The following CASTOR2 variants were observed in gnomAD, a reference collection of about 807,000 sequenced individuals.
The protein encoded by CASTOR2 is GATS protein like 2.
A neutral mutation model predicts 31.2 loss-of-function variants in CASTOR2; 8 were observed. That is an observed-to-expected ratio of 0.26 (90% CI 0.15 to 0.46). CASTOR2 has a LOEUF of 0.46. CASTOR2 is among the 20% of genes least tolerant of loss of function. The pLI is 0.99. For missense variants in CASTOR2, 216 were observed against 382.1 expected, an observed-to-expected ratio of 0.57 and a Z score of 3.62; for synonymous variants, 162 against 158.7, an observed-to-expected ratio of 1.02 and a Z score of -0.16.
chr7:74,994,101 C>G (rs1289822173), intron 1 of CASTOR2, among the ~76,000 whole-genome samples: 2 of 152,234 alleles, frequency 1.3e-5, no homozygotes, highest in African/African-American at 4.8e-5. Flanking sequence ...GGGCCGTCCA[C>G]AACAGGCAGC....
chr7:75,020,262 A>AT (rs1804962903), intron 6 of CASTOR2, 113 bp downstream of exon 6: 1 of 1,057,836 alleles, frequency 9.5e-7, no homozygotes, highest in Admixed American at 2.2e-5. Flanking sequence ...TTTTTTTTTG[A>AT]TACGGGGTCT....
At chr7:75,019,385 G>A (rs1241913687) in intron 5 of CASTOR2, among the ~76,000 whole-genome samples, 64 of 152,052 alleles carry the variant, frequency 4.2e-4, no homozygotes, top group African/African-American at 1.3e-3. Context: ...TAGTCTGAGT[G>A]GGGAGACACA....
At chr7:75,002,680 C>T (rs1322346797) in intron 1 of CASTOR2, among the ~76,000 whole-genome samples, 2 of 152,020 alleles carry the variant, frequency 1.3e-5, no homozygotes, top group Non-Finnish European at 1.5e-5. Flanking sequence ...GAGGCAGGGG[C>T]GTTGAGGCCA....
rs937008081 is a variant in CASTOR2, at chr7:75,027,687, C to T, written c.*2988C>T. The T allele has an allele frequency of 1.1e-5, 4 of 361,378 alleles. No individual in the cohort carries two copies. Among genetic ancestry groups the T allele is most frequent in the Non-Finnish European group, 2.1e-5 (4 of 191,854 alleles). The allele number at this position is 361,378 out of a possible 1,614,324, so 22.4% of individuals were successfully genotyped here. On this transcript the variant is annotated 3_prime_UTR_variant, in exon 9 of 9. Transcript: ENST00000616305. The stretch of plus-strand genomic sequence containing the variant: ...CAGGGGTGGTCCCTGTTCAAGCCCG[C>T]TCCGTGGGAGCTGCCCCCTGGGGAC...
intron 6 of CASTOR2, among the ~76,000 whole-genome samples, chr7:75,020,916 C>T (rs1247999947): frequency 6.6e-6 from 1 of 152,136 alleles, no homozygotes; most frequent in Admixed American, 6.5e-5. Context: ...CATGTCTCAG[C>T]CTCCTGAATA....
intron 1 of CASTOR2, among the ~76,000 whole-genome samples, chr7:74,975,596 T>A (rs1184143987): frequency 8.5e-6 from 1 of 118,194 alleles, no homozygotes; most frequent in Non-Finnish European, 1.8e-5. Flanking sequence ...GGCGCCTGTA[T>A]TCCCAGCTAC....
At chr7:74,973,408 T>G in intron 1 of CASTOR2, among the ~76,000 whole-genome samples, 2 of 104,092 alleles carry the variant, frequency 1.9e-5, no homozygotes, top group Admixed American at 1.0e-4. Context: ...TGGCATGATC[T>G]CAGCTCACTG....
Position 75,024,913 on chromosome 7 carries a change from C to T in CASTOR2, c.*214C>T. On this transcript the variant is annotated 3_prime_UTR_variant, in exon 9 of 9. Coordinates refer to ENST00000616305, the MANE Select transcript of CASTOR2 (RefSeq NM_001145064.3). ...CCTGCCTTCCCGGAGCCCCCCGACC[C>T]TCCAGAGAACGACCTTTCTCTTCCC... 8.5e-7 allele frequency: 1 copy of T among 1,173,710 alleles called. No individual in the cohort carries two copies. The highest frequency in any genetic ancestry group is 1.2e-6 in the Non-Finnish European group (1 of 836,350). The allele number at this position is 1,173,710 out of a possible 1,614,324, so 72.7% of individuals were successfully genotyped here.
intron 1 of CASTOR2, among the ~76,000 whole-genome samples, chr7:74,990,174 G>A (rs1250528842): frequency 2.6e-5 from 4 of 151,160 alleles, no homozygotes; most frequent in African/African-American, 4.9e-5. Context: ...AGATCACAAG[G>A]TCAGGAGATG....
Position 75,028,727 on chromosome 7 carries a change from C to T in CASTOR2, c.*4028C>T, listed in dbSNP as rs1417537756. On this transcript the variant is annotated 3_prime_UTR_variant, in exon 9 of 9. Transcript: ENST00000616305. ...AAAGATCTGGGCATTGCTGACTCTGCACCTCCTTCCTCCATGGGCATCTCC... is the reference window on the plus strand; with the variant it reads ...AAAGATCTGGGCATTGCTGACTCTGTACCTCCTTCCTCCATGGGCATCTCC... Among the ~76,000 whole-genome samples, 1 of 152,180 alleles carries T rather than the reference C, an allele frequency of 6.6e-6. No individual in the cohort carries two copies. The highest frequency in any genetic ancestry group is 6.6e-5 in the Admixed American group (1 of 15,266).
chr7:75,027,690 C>T lies in CASTOR2; in HGVS notation c.*2991C>T, dbSNP rs1055634364. 6 of 363,400 alleles carry T rather than the reference C, an allele frequency of 1.7e-5. No homozygotes were observed. The highest frequency in any genetic ancestry group is 1.4e-4 in the East Asian group (2 of 13,796). 22.5% of individuals were successfully genotyped at this position (363,400 alleles called of 1,614,324 possible). A position where few individuals can be genotyped will look rare whatever the true frequency, so the allele number is the denominator to read the frequency against. On this transcript the variant is annotated 3_prime_UTR_variant, in exon 9 of 9. Coordinates refer to ENST00000616305, the MANE Select transcript of CASTOR2 (RefSeq NM_001145064.3). Reference sequence around the variant, plus strand: ...GGGTGGTCCCTGTTCAAGCCCGCTCCGTGGGAGCTGCCCCCTGGGGACCCT... The same window carrying T: ...GGGTGGTCCCTGTTCAAGCCCGCTCTGTGGGAGCTGCCCCCTGGGGACCCT...
At position 75,018,053 on chromosome 7, in the gene CASTOR2, G is replaced by A. The variant is rs1804907609; in HGVS notation, c.442G>A (p.Val148Ile). The A allele has an allele frequency of 7.4e-6, 12 of 1,614,068 alleles. No homozygotes were observed. Among genetic ancestry groups the A allele is most frequent in the Non-Finnish European group, 1.0e-5 (12 of 1,180,028 alleles). Residue 148 changes from valine to isoleucine, a missense_variant, in exon 4 of 9, where the codon GTC (valine) becomes ATC (isoleucine). Coordinates refer to ENST00000616305, the MANE Select transcript of CASTOR2 (RefSeq NM_001145064.3). ...TLSSEFTILR[V>I]VNGETVAAEN... is the part of the protein sequence containing the mutation. ...GTCATCAGAGTTCACCATCCTGCGG[G>A]TCGTCAATGGCGAGACCGTGGCAGC...
chr7:75,029,317 A>G lies in CASTOR2; in HGVS notation c.*4618A>G, dbSNP rs902639113. On this transcript the variant is annotated 3_prime_UTR_variant, in exon 9 of 9. Transcript: ENST00000616305. ...GGCTTTTCCCAGCCCCAGCTAAGAG[A>G]GGGGGCTTTAGGGCAAGAGCACCTC... Among the ~76,000 whole-genome samples the G allele has an allele frequency of 4.8e-5, 7 of 146,606 alleles. No individual in the cohort carries two copies. The highest frequency in any genetic ancestry group is 1.0e-4 in the Non-Finnish European group (7 of 66,928).
intron 1 of CASTOR2, among the ~76,000 whole-genome samples, chr7:74,997,748 T>A (rs1230339477): frequency 7.9e-5 from 12 of 151,948 alleles, no homozygotes; most frequent in African/African-American, 2.9e-4. Context: ...TTTTTTTTTT[T>A]TAATCATAGG....
intron 7 of CASTOR2, among the ~76,000 whole-genome samples, chr7:75,022,779 A>G (rs1348924956): frequency 6.6e-6 from 1 of 152,232 alleles, no homozygotes; most frequent in Non-Finnish European, 1.5e-5. Context: ...TGCCTGGGCA[A>G]CAGAGCAAGA....
chr7:75,019,934 C>T, intron 5 of CASTOR2, 105 bp from the exon 6 acceptor site: 1 of 1,012,800 alleles, frequency 9.9e-7, no homozygotes, highest in South Asian at 1.6e-5. Context: ...CCCAGGGTCA[C>T]CCAGGTGGCA....
At chr7:75,009,042 C>T (rs1804668771) in intron 2 of CASTOR2, among the ~76,000 whole-genome samples, 1 of 152,074 alleles carries the variant, frequency 6.6e-6, no homozygotes, top group Non-Finnish European at 1.5e-5. Context: ...CTGCAACCTC[C>T]ACCTCCCAGG....
chr7:74,998,788 T>A (rs1804419085), intron 1 of CASTOR2, among the ~76,000 whole-genome samples: 1 of 151,802 alleles, frequency 6.6e-6, no homozygotes, highest in Non-Finnish European at 1.5e-5. Flanking sequence ...GAAGGTATAC[T>A]CTTGTCTACA....
intron 2 of CASTOR2, among the ~76,000 whole-genome samples, chr7:75,011,727 CAAA>C (rs587617013): frequency 2.2e-5 from 1 of 44,554 alleles, no homozygotes; most frequent in Non-Finnish European, 4.3e-5. Flanking sequence ...AGAGCTGTCT[CAAA>C]AAAAAAAAAA....
Sources: allele counts gnomAD v4.1 joint callset (sites outside exome capture counted in the v4.1 genomes callset), GRCh38; gene constraint gnomAD v4.1.1; transcripts MANE v1.5; gene names NCBI Gene and HGNC (gene_info 2026-07-23, HGNC 2026-07-21).